Variants in ATG7 observed in about 807,000 individuals in gnomAD.
ATG7 encodes the protein autophagy related 7.
A neutral mutation model predicts 82.4 loss-of-function variants in ATG7; 70 were observed. The ratio of observed to expected loss-of-function variants is 0.85; its 90% CI spans 0.70 to 1.04. The LOEUF is 1.04. Among genes scored for constraint, ATG7 ranks in the 50% least tolerant of loss-of-function variants. The pLI is 0.00. For synonymous variants in ATG7, 287 were observed against 313.0 expected, an observed-to-expected ratio of 0.92 and a Z score of 0.88; for missense variants, 792 against 864.3, an observed-to-expected ratio of 0.92 and a Z score of 1.05.
chr3:11,551,802 A>G (rs941173090), intron 20 of ATG7, among the ~76,000 whole-genome samples: 6 of 151,306 alleles, frequency 4.0e-5, no homozygotes, highest in African/African-American at 1.5e-4. Flanking sequence ...AGGCTGGAGT[A>G]TAGTGGTGCG....
intron 20 of ATG7, among the ~76,000 whole-genome samples, chr3:11,468,611 G>A (rs560220533): frequency 2.6e-5 from 4 of 152,134 alleles, no homozygotes; most frequent in Non-Finnish European, 5.9e-5. Context: ...TATGAACTGT[G>A]TCATGGAGAA....
chr3:11,316,084 A>G (rs1042527896), intron 9 of ATG7, among the ~76,000 whole-genome samples: 1 of 152,034 alleles, frequency 6.6e-6, no homozygotes, highest in African/African-American at 2.4e-5. Context: ...TTTACCCTCT[A>G]TGTTTTAATT....
intron 8 of ATG7, among the ~76,000 whole-genome samples, chr3:11,314,120 C>T (rs528642479): frequency 9.2e-5 from 14 of 152,264 alleles, no homozygotes; most frequent in Middle Eastern, 3.4e-3. Flanking sequence ...TACCCTTGTA[C>T]CAAGTTGCAG....
intron 14 of ATG7, among the ~76,000 whole-genome samples, chr3:11,355,877 A>C (rs1367373528): frequency 6.6e-6 from 1 of 152,222 alleles, no homozygotes; most frequent in Non-Finnish European, 1.5e-5. Context: ...ACATATATAC[A>C]TGAAAATACT....
chr3:11,479,152 T>A (rs2088631797), intron 20 of ATG7, among the ~76,000 whole-genome samples: 1 of 152,200 alleles, frequency 6.6e-6, no homozygotes, highest in Admixed American at 6.5e-5. Flanking sequence ...CATATGGACT[T>A]GATGCCAATT....
chr3:11,403,473 C>A (rs978457252), intron 19 of ATG7, among the ~76,000 whole-genome samples: 3 of 151,788 alleles, frequency 2.0e-5, no homozygotes, highest in African/African-American at 4.8e-5. Context: ...TTGTCTGATT[C>A]CTTCTGTTTA....
At chr3:11,437,441 T>A (rs2083464077) in intron 20 of ATG7, among the ~76,000 whole-genome samples, 1 of 152,174 alleles carries the variant, frequency 6.6e-6, no homozygotes, top group Admixed American at 6.5e-5. Context: ...ATAGAAGACA[T>A]CGCAGATAAA....
chr3:11,365,316 A>C (rs946500539), intron 18 of ATG7, among the ~76,000 whole-genome samples: 1 of 152,204 alleles, frequency 6.6e-6, no homozygotes, highest in Admixed American at 6.5e-5. Flanking sequence ...AAACATTAGA[A>C]GCATGCAGGG....
At chr3:11,563,624 G>C in the ATG7 span, among the ~76,000 whole-genome samples, 1 of 152,222 alleles carries the variant, frequency 6.6e-6, no homozygotes, top group African/African-American at 2.4e-5. Context: ...ATGAACAGCA[G>C]TGATAACTTG....
chr3:11,303,165 C>G (rs1276401065), intron 5 of ATG7, among the ~76,000 whole-genome samples: 4 of 152,154 alleles, frequency 2.6e-5, no homozygotes, highest in Non-Finnish European at 5.9e-5. Flanking sequence ...GGAAGAGACA[C>G]ACTTAGTCTC....
intron 20 of ATG7, among the ~76,000 whole-genome samples, chr3:11,483,162 C>A (rs1379192042): frequency 1.3e-5 from 2 of 152,122 alleles, no homozygotes; most frequent in African/African-American, 4.8e-5. Flanking sequence ...TTGCCCCTCA[C>A]ATTTTAATAA....
chr3:11,435,324 A>G (rs2083273853), intron 20 of ATG7, among the ~76,000 whole-genome samples: 1 of 152,178 alleles, frequency 6.6e-6, no homozygotes, highest in Admixed American at 6.5e-5. Context: ...ATTCAGCCTA[A>G]TAACTTACCT....
intron 20 of ATG7, among the ~76,000 whole-genome samples, chr3:11,501,205 G>A (rs1253873407): frequency 6.6e-6 from 1 of 152,236 alleles, no homozygotes; most frequent in Admixed American, 6.5e-5. Flanking sequence ...AGTGAGCCAT[G>A]ATTGTGCTAC....
At chr3:11,414,857 T>C (rs1576239947) in intron 19 of ATG7, among the ~76,000 whole-genome samples, 2 of 152,264 alleles carry the variant, frequency 1.3e-5, no homozygotes, top group African/African-American at 2.4e-5. Flanking sequence ...ATGGTTTATA[T>C]TGATTTTCAA....
chr3:11,476,357 G>A (rs1266367325), intron 20 of ATG7, among the ~76,000 whole-genome samples: 1 of 151,878 alleles, frequency 6.6e-6, no homozygotes, highest in Non-Finnish European at 1.5e-5. Flanking sequence ...GCTCAATGCC[G>A]TGGATGCGTC....
chr3:11,395,711 C>T (rs560910086), intron 19 of ATG7, among the ~76,000 whole-genome samples: 68 of 152,092 alleles, frequency 4.5e-4, no homozygotes, highest in Middle Eastern at 3.4e-3. Context: ...GAGGCCGAAG[C>T]GGGCAGATCA....
chr3:11,552,439 G>A (rs1403961024), intron 20 of ATG7, among the ~76,000 whole-genome samples: 1 of 152,088 alleles, frequency 6.6e-6, no homozygotes, highest in African/African-American at 2.4e-5. Context: ...CAGTTGCACT[G>A]CCAAGGACAC....
At chr3:11,512,157 C>A (rs1350563906) in intron 20 of ATG7, among the ~76,000 whole-genome samples, 2 of 152,208 alleles carry the variant, frequency 1.3e-5, no homozygotes, top group African/African-American at 4.8e-5. Context: ...GCTGTCACCT[C>A]TCAGCTTCAC....
At chr3:11,483,264 C>T (rs2089228180) in intron 20 of ATG7, among the ~76,000 whole-genome samples, 2 of 152,150 alleles carry the variant, frequency 1.3e-5, no homozygotes, top group African/African-American at 4.8e-5. Flanking sequence ...ATCACAGAAG[C>T]TTGACGAGAA....
Sources: allele counts gnomAD v4.1 joint callset (sites outside exome capture counted in the v4.1 genomes callset), GRCh38; gene constraint gnomAD v4.1.1; transcripts MANE v1.5; gene names NCBI Gene and HGNC (gene_info 2026-07-23, HGNC 2026-07-21).